Variants in EYS observed in about 807,000 individuals in gnomAD.
The protein encoded by EYS is EGF-like photoreceptor maintenance factor, also known as protein eyes shut homolog.
In EYS, 250 loss-of-function variants were observed where a neutral mutation model predicts 282.1. The ratio of observed to expected loss-of-function variants is 0.89; its 90% CI spans 0.80 to 0.98. The LOEUF is 0.98. EYS is among the 50% of genes least tolerant of loss of function. The pLI is 0.00. For missense variants in EYS, 4,016 were observed against 3,709.0 expected (o/e 1.08, Z -2.15); for synonymous variants, 1,355 against 1,282.9 (o/e 1.06, Z -1.20).
At chr6:63,910,970 T>C (rs932640576) in intron 35 of EYS, among the ~76,000 whole-genome samples, 3 of 152,204 alleles carry the variant, frequency 2.0e-5, no homozygotes, top group African/African-American at 7.2e-5. Flanking sequence ...ATGACTTCTA[T>C]TCATGGCAAG....
At chr6:65,024,887 T>C (rs1158130051) in intron 13 of EYS, among the ~76,000 whole-genome samples, 2 of 152,204 alleles carry the variant, frequency 1.3e-5, no homozygotes, top group African/African-American at 2.4e-5. Flanking sequence ...AGTCAAATGA[T>C]TAGTTTCAGC....
intron 1 of EYS, among the ~76,000 whole-genome samples, chr6:65,669,223 G>C (rs1407539223): frequency 6.6e-6 from 1 of 152,034 alleles, no homozygotes; most frequent in Admixed American, 6.6e-5. Flanking sequence ...AACTACAGGC[G>C]ATGAATGTGT....
intron 31 of EYS, among the ~76,000 whole-genome samples, chr6:64,155,260 G>A (rs555136373): frequency 3.3e-4 from 50 of 152,186 alleles, no homozygotes; most frequent in African/African-American, 8.4e-4. Context: ...TGGAAACACT[G>A]ACTGAGACAT....
intron 22 of EYS, 110 bp from the exon 23 acceptor site, chr6:64,626,355 T>C (rs1767610247): frequency 7.6e-7 from 1 of 1,323,530 alleles, no homozygotes; most frequent in Non-Finnish European, 1.0e-6. Flanking sequence ...TCCAACAACA[T>C]GTAGCTGGGA....
chr6:65,471,783 T>C (rs1012503154), intron 5 of EYS, among the ~76,000 whole-genome samples: 1 of 152,146 alleles, frequency 6.6e-6, no homozygotes, highest in African/African-American at 2.4e-5. Flanking sequence ...ACCATTACTA[T>C]TCTATTTCTA....
intron 35 of EYS, among the ~76,000 whole-genome samples, chr6:63,893,926 G>C (rs565063451): frequency 1.3e-5 from 2 of 152,154 alleles, no homozygotes; most frequent in East Asian, 3.9e-4. Context: ...CCCTTTCCTG[G>C]AGATCTTTAA....
rs757252768 is a variant in EYS at position 64,591,441 on chromosome 6, A to C, written c.4426T>G (p.Ser1476Ala). 1.9e-6 allele frequency: 3 copies of C among 1,551,268 alleles called. No homozygotes were observed. In the African/African-American group the frequency reaches 4.1e-5, roughly 21 times the overall value. ...QEDIEEYSAD[S>A]LISRREHWRL... ...CAGTGCTCTCTTCTTGAAATTAAAG[A>C]ATCAGCTGAATATTCTTCAATATCC... Residue 1476 changes from serine to alanine, a missense_variant, in exon 26 of 43, where the codon TCT becomes GCT. Ser to Ala is a moderately conservative substitution (Grantham distance 99). Coordinates refer to ENST00000503581, the MANE Select transcript of EYS (RefSeq NM_001142800.2).
At chr6:64,230,475 A>C in intron 31 of EYS, 117 bp downstream of exon 31, 1 of 549,332 alleles carries the variant, frequency 1.8e-6, no homozygotes, top group South Asian at 3.9e-5. Flanking sequence ...AAAATTATAC[A>C]GCTGTTTCTT....
intron 11 of EYS, among the ~76,000 whole-genome samples, chr6:65,322,603 T>A (rs1404477582): frequency 6.6e-6 from 1 of 152,058 alleles, no homozygotes; most frequent in Admixed American, 6.5e-5. Flanking sequence ...GAGACCATCC[T>A]GGCCAACATG....
intron 40 of EYS, among the ~76,000 whole-genome samples, chr6:63,771,076 G>C (rs1582191011): frequency 6.6e-6 from 1 of 152,096 alleles, no homozygotes; most frequent in Non-Finnish European, 1.5e-5. Context: ...AGGTTTAAGG[G>C]CTTGAACACT....
chr6:64,094,622 T>C (rs1177294393), intron 31 of EYS, among the ~76,000 whole-genome samples: 1 of 152,234 alleles, frequency 6.6e-6, no homozygotes, highest in African/African-American at 2.4e-5. Context: ...CATTTTTTTA[T>C]TGCATCTATT....
intron 31 of EYS, among the ~76,000 whole-genome samples, chr6:64,086,292 C>T (rs1364097125): frequency 6.6e-6 from 1 of 152,196 alleles, no homozygotes; most frequent in African/African-American, 2.4e-5. Flanking sequence ...CCTTTAAGTT[C>T]TCATTGTTTC....
At chr6:65,208,981 A>C (rs1161098975) in intron 12 of EYS, among the ~76,000 whole-genome samples, 1 of 151,880 alleles carries the variant, frequency 6.6e-6, no homozygotes, top group African/African-American at 2.4e-5. Context: ...CAAAAATAGG[A>C]CTTAAACATA....
chr6:64,155,978 TTA>T (rs530098992), intron 31 of EYS, among the ~76,000 whole-genome samples: 12 of 149,944 alleles, frequency 8.0e-5, no homozygotes, highest in African/African-American at 1.7e-4. Flanking sequence ...AACATATCAT[TTA>T]TATATATATA....
intron 31 of EYS, among the ~76,000 whole-genome samples, chr6:64,224,512 CA>C (rs1485176817): frequency 6.6e-6 from 1 of 152,078 alleles, no homozygotes; most frequent in Non-Finnish European, 1.5e-5. Context: ...GCCCTGCTCC[CA>C]AACTAAACTA....
In EYS at chr6:64,881,019, A is replaced by T. The variant is rs575469827; in HGVS notation, c.2992+5678T>A. On this transcript the variant is annotated intron_variant, in intron 19 of 42. Transcript: ENST00000503581. ...AACCCTTCTAGGAAGTAGTATTGCC[A>T]TTCTCTGACACACCTGGCCTGAATT... Among the ~76,000 whole-genome samples the T allele has an allele frequency of 6.6e-5, 10 of 151,644 alleles. No individual in the cohort carries two copies. In the South Asian group the frequency reaches 2.1e-3, roughly 31 times the overall value.
intron 11 of EYS, among the ~76,000 whole-genome samples, chr6:65,316,795 C>T (rs1373408480): frequency 6.6e-6 from 1 of 152,134 alleles, no homozygotes; most frequent in East Asian, 1.9e-4. Flanking sequence ...CACGTCCCTG[C>T]AAAGGACACG....
chr6:65,116,248 T>C (rs1295829901), intron 12 of EYS, among the ~76,000 whole-genome samples: 3 of 152,136 alleles, frequency 2.0e-5, no homozygotes, highest in African/African-American at 4.8e-5. Context: ...TCAGTATGAC[T>C]CTATTACCAA....
At chr6:64,511,554 T>A (rs1429958864) in intron 26 of EYS, among the ~76,000 whole-genome samples, 1 of 151,894 alleles carries the variant, frequency 6.6e-6, no homozygotes, top group African/African-American at 2.4e-5. Context: ...TTGGCCACAT[T>A]TATGTTGTGC....
Sources: gnomAD v4.1 joint callset for allele counts (sites outside exome capture counted in the v4.1 genomes callset) on GRCh38, gnomAD v4.1.1 for gene constraint, MANE v1.5 for transcripts, NCBI Gene and HGNC (gene_info 2026-07-23, HGNC 2026-07-21) for gene names.